LRMDA: variants seen among roughly 807,000 people sequenced by gnomAD.
LRMDA encodes the protein leucine-rich melanocyte differentiation-associated protein.
In LRMDA, 18 loss-of-function variants were observed where a neutral mutation model predicts 29.8. That is an observed-to-expected ratio of 0.60 (90% confidence interval 0.42 to 0.90). The LOEUF is 0.90. Ranked by LOEUF, LRMDA falls within the 40% of genes least tolerant of loss-of-function variation. The probability of loss-of-function intolerance (pLI) is 0.00; values close to 1 mark genes in which losing one functional copy is unlikely to be tolerated. For missense variants in LRMDA, 273 were observed against 273.9 expected, an observed-to-expected ratio of 1.00 and a Z score of 0.02; for synonymous variants, 125 against 109.4, an observed-to-expected ratio of 1.14 and a Z score of -0.89.
At chr10:76,156,368 A>C (rs776472323) in intron 5 of LRMDA, among the ~76,000 whole-genome samples, 1 of 152,184 alleles carries the variant, frequency 6.6e-6, no homozygotes, top group Non-Finnish European at 1.5e-5. Flanking sequence ...TATGAAAAAA[A>C]CCGACTGTTT....
intron 6 of LRMDA, among the ~76,000 whole-genome samples, chr10:76,518,090 A>G (rs1477665403): frequency 3.9e-5 from 6 of 151,902 alleles, no homozygotes; most frequent in Non-Finnish European, 7.4e-5. Flanking sequence ...TGAACTACCG[A>G]CATTGTCCTA....
At chr10:76,387,427 C>T (rs556788472) in intron 6 of LRMDA, among the ~76,000 whole-genome samples, 1 of 152,024 alleles carries the variant, frequency 6.6e-6, no homozygotes, top group East Asian at 1.9e-4. Flanking sequence ...ATGGCAAAAC[C>T]CTGTCTCTGC....
intron 2 of LRMDA, among the ~76,000 whole-genome samples, chr10:75,473,497 G>A (rs1032288393): frequency 3.9e-5 from 6 of 152,310 alleles, no homozygotes; most frequent in South Asian, 2.1e-4. Context: ...CCAGTCTTGC[G>A]GTGCAATCTC....
chr10:76,492,714 A>C (rs914252782), intron 6 of LRMDA, among the ~76,000 whole-genome samples: 2 of 152,044 alleles, frequency 1.3e-5, no homozygotes, highest in South Asian at 4.1e-4. Context: ...AGGCCTCAGG[A>C]AACTTACAAT....
At chr10:75,619,285 A>G (rs995803747) in intron 2 of LRMDA, among the ~76,000 whole-genome samples, 9 of 152,152 alleles carry the variant, frequency 5.9e-5, no homozygotes, top group African/African-American at 2.2e-4. Context: ...TTCAAGGGTC[A>G]ACTGTATGTA....
intron 5 of LRMDA, among the ~76,000 whole-genome samples, chr10:76,123,418 A>G (rs1026085651): frequency 5.3e-5 from 8 of 151,118 alleles, no homozygotes; most frequent in Non-Finnish European, 8.8e-5. Flanking sequence ...CTAAGGTGGG[A>G]GGATCACCTG....
intron 6 of LRMDA, among the ~76,000 whole-genome samples, chr10:76,361,010 G>A (rs1364803510): frequency 6.6e-6 from 1 of 152,042 alleles, no homozygotes; most frequent in African/African-American, 2.4e-5. Context: ...CCTGTAATCT[G>A]AGCACTTTGG....
At chr10:75,753,900 G>A (rs923157736) in intron 2 of LRMDA, among the ~76,000 whole-genome samples, 1 of 152,128 alleles carries the variant, frequency 6.6e-6, no homozygotes, top group Non-Finnish European at 1.5e-5. Context: ...AGGAAGTGAA[G>A]AGATTCAGGC....
intron 2 of LRMDA, among the ~76,000 whole-genome samples, chr10:75,931,674 G>C (rs1273224788): frequency 6.6e-6 from 1 of 152,136 alleles, no homozygotes; most frequent in Non-Finnish European, 1.5e-5. Flanking sequence ...AAGAATGCTG[G>C]TGCATCAGTG....
intron 5 of LRMDA, among the ~76,000 whole-genome samples, chr10:76,136,291 T>C (rs1027091814): frequency 1.3e-5 from 2 of 152,200 alleles, no homozygotes; most frequent in Non-Finnish European, 2.9e-5. Context: ...ATCTTCTTTT[T>C]GTGAATGGCA....
intron 5 of LRMDA, among the ~76,000 whole-genome samples, chr10:76,160,416 G>T (rs144346679): frequency 6.6e-6 from 1 of 151,848 alleles, no homozygotes; most frequent in African/African-American, 2.4e-5. Context: ...GCTTTTTTAG[G>T]TATGACAATT....
At chr10:76,012,873 G>C (rs1847809438) in intron 2 of LRMDA, among the ~76,000 whole-genome samples, 1 of 152,106 alleles carries the variant, frequency 6.6e-6, no homozygotes, top group East Asian at 1.9e-4. Context: ...GTAAAAACCT[G>C]TTGTCTGGCT....
chr10:75,611,529 C>G (rs1841031753), intron 2 of LRMDA, among the ~76,000 whole-genome samples: 1 of 152,170 alleles, frequency 6.6e-6, no homozygotes, highest in African/African-American at 2.4e-5. Context: ...TCCCCACTCC[C>G]CTCCTCCCCT....
At chr10:75,971,704 A>G (rs1281327529) in intron 2 of LRMDA, among the ~76,000 whole-genome samples, 24 of 152,068 alleles carry the variant, frequency 1.6e-4, no homozygotes, top group Admixed American at 1.5e-3. Context: ...TTTAGTTGCT[A>G]TTAGAATTAT....
At chr10:75,534,102 T>A (rs753459167) in intron 2 of LRMDA, among the ~76,000 whole-genome samples, 3 of 152,218 alleles carry the variant, frequency 2.0e-5, no homozygotes, top group Non-Finnish European at 4.4e-5. Flanking sequence ...TCATGCTCTC[T>A]ACATCAAAGG....
chr10:76,193,389 C>T (rs1263934803), intron 5 of LRMDA, among the ~76,000 whole-genome samples: 3 of 152,070 alleles, frequency 2.0e-5, no homozygotes, highest in African/African-American at 4.8e-5. Context: ...AAAGTGATTT[C>T]GGAAGTCCAT....
intron 5 of LRMDA, among the ~76,000 whole-genome samples, chr10:76,180,030 C>T (rs941221234): frequency 6.6e-6 from 1 of 151,920 alleles, no homozygotes; most frequent in African/African-American, 2.4e-5. Flanking sequence ...CGTTAGCTTT[C>T]GCTGTTGTGG....
chr10:76,364,291 G>C (rs1841363084), intron 6 of LRMDA, among the ~76,000 whole-genome samples: 1 of 152,134 alleles, frequency 6.6e-6, no homozygotes, highest in Non-Finnish European at 1.5e-5. Context: ...TGAGATTTTT[G>C]ACAGAGAAAG....
intron 6 of LRMDA, chr10:76,470,446 C>T (rs1433576624): frequency 6.6e-6 from 1 of 152,088 alleles, no homozygotes; most frequent in Non-Finnish European, 1.5e-5. Context: ...TACTTGTACA[C>T]CTATGTTCAT....
Sources: gnomAD v4.1 joint callset for allele counts (sites outside exome capture counted in the v4.1 genomes callset) on GRCh38, gnomAD v4.1.1 for gene constraint, MANE v1.5 for transcripts, NCBI Gene and HGNC (gene_info 2026-07-23, HGNC 2026-07-21) for gene names.